DIP2C: variants seen among roughly 807,000 people sequenced by gnomAD.
DIP2C encodes the protein disco-interacting protein 2 homolog C.
In DIP2C, 33 loss-of-function variants were observed where a neutral mutation model predicts 192.4. The ratio of observed to expected loss-of-function variants is 0.17; its 90% CI spans 0.13 to 0.23. The LOEUF is 0.23. Among genes scored for constraint, DIP2C ranks in the 10% least tolerant of loss-of-function variants. The pLI is 1.00. For synonymous variants in DIP2C, 979 were observed against 864.1 expected, an observed-to-expected ratio of 1.13 and a Z score of -2.33; for missense variants, 1,537 against 2,110.1, an observed-to-expected ratio of 0.73 and a Z score of 5.32.
At chr10:671,973 A>G (rs113613177) in intron 1 of DIP2C, among the ~76,000 whole-genome samples, 4,207 of 127,474 alleles carry the variant, frequency 0.033, 161 homozygotes, top group African/African-American at 0.081. Context: ...GGCCACAGAC[A>G]CACGGAAGGA....
intron 4 of DIP2C, among the ~76,000 whole-genome samples, chr10:428,427 T>C (rs1401139263): frequency 6.6e-6 from 1 of 151,998 alleles, no homozygotes; most frequent in Non-Finnish European, 1.5e-5. Context: ...CGGATATGAG[T>C]TGACAGCCCT....
intron 1 of DIP2C, among the ~76,000 whole-genome samples, chr10:678,411 C>A (rs1246949952): frequency 6.6e-6 from 1 of 151,986 alleles, no homozygotes; most frequent in Non-Finnish European, 1.5e-5. Context: ...TCTGACCCAT[C>A]TGAGCACAGA....
intron 26 of DIP2C, 137 bp from the exon 27 acceptor site, chr10:345,247 TGCTG>T: frequency 1.1e-6 from 1 of 881,538 alleles, no homozygotes; most frequent in Non-Finnish European, 1.8e-6. Flanking sequence ...CGAGCCCTCC[TGCTG>T]GCTAAGGTAG....
At chr10:326,703 T>C (rs1311769504) in intron 31 of DIP2C, among the ~76,000 whole-genome samples, 3 of 152,222 alleles carry the variant, frequency 2.0e-5, no homozygotes, top group Admixed American at 6.5e-5. Flanking sequence ...TCTTCATCTG[T>C]CTAGTATCTA....
chr10:474,606 C>T (rs1336339625), intron 2 of DIP2C, among the ~76,000 whole-genome samples: 1 of 152,064 alleles, frequency 6.6e-6, no homozygotes, highest in Non-Finnish European at 1.5e-5. Context: ...CTTCAATGCC[C>T]CCTCGTCTCT....
chr10:310,783 G>A (rs1291973963), intron 31 of DIP2C, among the ~76,000 whole-genome samples: 1 of 152,142 alleles, frequency 6.6e-6, no homozygotes, highest in Non-Finnish European at 1.5e-5. Flanking sequence ...CTTCTGACCA[G>A]TGACCTCTGT....
At chr10:633,689 T>C (rs1854663037) in intron 1 of DIP2C, among the ~76,000 whole-genome samples, 1 of 152,222 alleles carries the variant, frequency 6.6e-6, no homozygotes, top group African/African-American at 2.4e-5. Flanking sequence ...CTTATCCCAG[T>C]AACAGGCTAG....
chr10:285,442 T>C (rs1232821047), intron 34 of DIP2C, among the ~76,000 whole-genome samples: 2 of 152,092 alleles, frequency 1.3e-5, no homozygotes, highest in African/African-American at 2.4e-5. Context: ...TGGCCAGACA[T>C]GGGGCTTTGT....
At chr10:467,310 T>A (rs1355302233) in intron 3 of DIP2C, among the ~76,000 whole-genome samples, 1 of 146,822 alleles carries the variant, frequency 6.8e-6, no homozygotes, top group Non-Finnish European at 1.5e-5. Flanking sequence ...ATATTCTCAC[T>A]CATAGGTGGG....
intron 1 of DIP2C, among the ~76,000 whole-genome samples, chr10:534,986 T>G (rs572538494): frequency 1.3e-5 from 2 of 152,318 alleles, no homozygotes; most frequent in East Asian, 3.9e-4. Flanking sequence ...TGGATGATTA[T>G]TTTTAACAAT....
At chr10:414,606 C>T (rs777167619) in intron 7 of DIP2C, among the ~76,000 whole-genome samples, 10 of 151,500 alleles carry the variant, frequency 6.6e-5, no homozygotes, top group Non-Finnish European at 1.0e-4. Flanking sequence ...ACCTCCCAGG[C>T]TCAGGTTATC....
At chr10:497,708 G>A (rs1844938836) in intron 1 of DIP2C, among the ~76,000 whole-genome samples, 1 of 152,186 alleles carries the variant, frequency 6.6e-6, no homozygotes, top group Admixed American at 6.5e-5. Context: ...GAAGCGTCCG[G>A]TAATGTTAGG....
intron 1 of DIP2C, chr10:668,569 C>CA (rs1289916783): frequency 6.6e-6 from 1 of 152,130 alleles, no homozygotes; most frequent in Admixed American, 6.5e-5. Flanking sequence ...ACATAACACT[C>CA]AAACATACAA....
chr10:671,930 A>G (rs1326053544), intron 1 of DIP2C, among the ~76,000 whole-genome samples: 1 of 137,152 alleles, frequency 7.3e-6, no homozygotes, highest in Non-Finnish European at 1.5e-5. Flanking sequence ...CGGAAGGAGG[A>G]AACAGGCCAC....
rs56805356 is a variant in DIP2C, at chr10:579,616, C to T, written c.86-93086G>A. Among the ~76,000 whole-genome samples, 364 of 152,044 alleles carry T rather than the reference C, an allele frequency of 2.4e-3. 4 individuals are homozygous for T. Among genetic ancestry groups the T allele is most frequent in the African/African-American group, 8.3e-3 (344 of 41,448 alleles). On this transcript the variant is annotated intron_variant, in intron 1 of 36. Coordinates refer to ENST00000280886, the MANE Select transcript of DIP2C (RefSeq NM_014974.3). ...CATACACATCCAAATAGTGTACAAA[C>T]ATGTGCACTGTAACATGTACATGCA...
intron 1 of DIP2C, among the ~76,000 whole-genome samples, chr10:580,280 G>A (rs1257027281): frequency 2.0e-5 from 3 of 152,136 alleles, no homozygotes; most frequent in Admixed American, 6.5e-5. Context: ...CATAGTGTAT[G>A]TACATATGCA....
At chr10:422,787 A>T (rs754891322) in intron 5 of DIP2C, 37 bp downstream of exon 5, 2 of 1,590,848 alleles carry the variant, frequency 1.3e-6, no homozygotes, top group Non-Finnish European at 1.7e-6. Context: ...AGGCGTTTAC[A>T]CAACAGGCAC....
chr10:366,196 C>A (rs1960177232), intron 19 of DIP2C, 79 bp downstream of exon 19: 4 of 1,564,788 alleles, frequency 2.6e-6, no homozygotes, highest in Non-Finnish European at 3.5e-6. Context: ...CATTCCACGT[C>A]TATCACTATG....
chr10:597,784 C>T (rs1418844478), intron 1 of DIP2C, among the ~76,000 whole-genome samples: 1 of 152,186 alleles, frequency 6.6e-6, no homozygotes, highest in African/African-American at 2.4e-5. Flanking sequence ...AGAATAACGT[C>T]ACTGGCCACA....
Sources: gnomAD v4.1 joint callset for allele counts (sites outside exome capture counted in the v4.1 genomes callset) on GRCh38, gnomAD v4.1.1 for gene constraint, MANE v1.5 for transcripts, NCBI Gene and HGNC (gene_info 2026-07-23, HGNC 2026-07-21) for gene names.